Variants in DNAAF5 observed in about 807,000 individuals in gnomAD.
DNAAF5 encodes the protein dynein axonemal assembly factor 5, also known as HEAT repeat containing 2.
In DNAAF5, 64 loss-of-function variants were observed where a neutral mutation model predicts 75.8. That is an observed-to-expected ratio of 0.84 (90% CI 0.69 to 1.04). DNAAF5 has a LOEUF of 1.04. DNAAF5 is among the 50% of genes least tolerant of loss of function. The pLI is 0.00. For missense variants in DNAAF5, 1,269 were observed against 1,178.5 expected, an observed-to-expected ratio of 1.08 and a Z score of -1.12; for synonymous variants, 657 against 557.2, an observed-to-expected ratio of 1.18 and a Z score of -2.52.
rs188557714 is a variant in DNAAF5 at position 744,436 on chromosome 7, G to A, written c.1024+2971G>A. ...TGTCTTTATAGCAGCATGATTTATA[G>A]TCCTTTGGGTATATACCCAGTAATG... On this transcript the variant is annotated intron_variant, in intron 4 of 12. Coordinates refer to ENST00000297440, the MANE Select transcript of DNAAF5 (RefSeq NM_017802.4). Among the ~76,000 whole-genome samples, 114 of 152,304 alleles carry A rather than the reference G, an allele frequency of 7.5e-4. 2 individuals are homozygous for A. The highest frequency in any genetic ancestry group is 7.4e-5 in the Non-Finnish European group (5 of 68,020).
In DNAAF5 at chr7:732,804, T is replaced by A. The variant is rs191834930; in HGVS notation, c.780+2957T>A. Among the ~76,000 whole-genome samples, 9 of 152,310 alleles carry A rather than the reference T, an allele frequency of 5.9e-5. No homozygotes were observed. The East Asian group carries it at 1.7e-3, about 29-fold the overall frequency. ...TGTGGGTTGTCTCCTCACTATTGAT[T>A]GTTTTATTTGCTGTGCAGAAGCTTT... On this transcript the variant is annotated intron_variant, in intron 2 of 12. Transcript: ENST00000297440.
intron 8 of DNAAF5, among the ~76,000 whole-genome samples, chr7:766,780 A>G (rs1272204739): frequency 6.6e-6 from 1 of 152,242 alleles, no homozygotes; most frequent in Non-Finnish European, 1.5e-5. Flanking sequence ...ACTGCACTCC[A>G]GCCCGGACAA....
At chr7:760,176 C>T (rs80275360) in intron 6 of DNAAF5, among the ~76,000 whole-genome samples, 2,285 of 152,088 alleles carry the variant, frequency 0.015, 38 homozygotes, top group East Asian at 0.11. Context: ...AGGGCGGGGC[C>T]GGGGTGCAAG....
rs1274368246 is a variant in DNAAF5, at chr7:726,832, C to A, written c.112C>A (p.Leu38Met). 2.4e-5 allele frequency: 32 copies of A among 1,329,470 alleles called. No individual in the cohort carries two copies. The highest frequency in any genetic ancestry group is 2.8e-4 in the Middle Eastern group (1 of 3,564). 82.4% of individuals were successfully genotyped at this position (1,329,470 alleles called of 1,614,324 possible). ...CGCCCTGAGCCGCCTGCTGCCGGGGCTGGAGGCCGACAGCAAGCCGGGCCG... is the reference window on the plus strand; with the variant it reads ...CGCCCTGAGCCGCCTGCTGCCGGGGATGGAGGCCGACAGCAAGCCGGGCCG... ...SRALSRLLPGLEADSKPGRRR... is the reference protein window; with the variant it reads ...SRALSRLLPGMEADSKPGRRR... Residue 38 changes from leucine (L) to methionine (M), a missense_variant, in exon 1 of 13, where the codon CTG becomes ATG. Coordinates refer to ENST00000297440, the MANE Select transcript of DNAAF5 (RefSeq NM_017802.4).
At chr7:764,028 C>T in intron 8 of DNAAF5, 54 bp downstream of exon 8, 1 of 1,580,878 alleles carries the variant, frequency 6.3e-7, no homozygotes, top group Non-Finnish European at 8.6e-7. Context: ...AGGCTACACA[C>T]CTGCTCCCCC....
At chr7:770,657 G>A (rs566940860) in intron 9 of DNAAF5, 39 bp downstream of exon 9, 1 of 1,597,712 alleles carries the variant, frequency 6.3e-7, no homozygotes, top group South Asian at 1.1e-5. Flanking sequence ...CCCCAGCTGG[G>A]GCCTGGGCCA....
intron 2 of DNAAF5, among the ~76,000 whole-genome samples, chr7:732,234 G>A (rs1398683525): frequency 6.6e-6 from 1 of 152,232 alleles, no homozygotes; most frequent in Non-Finnish European, 1.5e-5. Context: ...AGTGCGGCAG[G>A]GGCTAATGCA....
At chr7:730,565 T>C (rs2128069394) in intron 2 of DNAAF5, among the ~76,000 whole-genome samples, 1 of 152,208 alleles carries the variant, frequency 6.6e-6, no homozygotes, top group East Asian at 1.9e-4. Context: ...AGGTGGTGAG[T>C]TGAAGAGTCA....
chr7:755,669 C>T (rs531476249), intron 5 of DNAAF5, among the ~76,000 whole-genome samples: 5 of 152,178 alleles, frequency 3.3e-5, no homozygotes, highest in African/African-American at 1.2e-4. Flanking sequence ...AGTTTGAGGC[C>T]TCAGTGAGCT....
intron 5 of DNAAF5, among the ~76,000 whole-genome samples, chr7:755,156 C>T (rs1782443604): frequency 1.3e-5 from 2 of 152,194 alleles, no homozygotes; most frequent in South Asian, 4.1e-4. Flanking sequence ...AGATGCCCAG[C>T]GTTCAGCATT....
At chr7:783,909 C>T (rs372639530) in intron 12 of DNAAF5, among the ~76,000 whole-genome samples, 6 of 152,192 alleles carry the variant, frequency 3.9e-5, no homozygotes, top group East Asian at 1.9e-4. Context: ...GCAGCCCCGG[C>T]CCTCTCGCCT....
intron 6 of DNAAF5, among the ~76,000 whole-genome samples, chr7:758,058 A>C (rs1006512202): frequency 2.6e-5 from 4 of 152,238 alleles, no homozygotes; most frequent in Admixed American, 6.5e-5. Context: ...GGGGTAAGGA[A>C]GGGAGCGGGG....
chr7:753,475 A>G (rs1782370156), intron 4 of DNAAF5, among the ~76,000 whole-genome samples: 1 of 152,234 alleles, frequency 6.6e-6, no homozygotes, highest in African/African-American at 2.4e-5. Context: ...AGAGGAGCAG[A>G]GGAAGCCGGG....
At chr7:728,027 C>T (rs1781420906) in intron 1 of DNAAF5, among the ~76,000 whole-genome samples, 1 of 152,190 alleles carries the variant, frequency 6.6e-6, no homozygotes, top group South Asian at 2.1e-4. Context: ...CTGTCCCATT[C>T]ATCCTACTCC....
chr7:780,667 ACTT>A (rs755090244), intron 12 of DNAAF5, among the ~76,000 whole-genome samples: 15 of 152,150 alleles, frequency 9.9e-5, no homozygotes, highest in Non-Finnish European at 1.9e-4. Flanking sequence ...TAGGCGTGGG[ACTT>A]CTTCAATACC....
In DNAAF5 at chr7:754,936, C is replaced by T; in HGVS notation, c.1257+115C>T. 2 of 796,044 alleles carry T rather than the reference C, an allele frequency of 2.5e-6. No individual in the cohort carries two copies. The highest frequency in any genetic ancestry group is 3.9e-6 in the Non-Finnish European group (2 of 510,970). The allele number at this position is 796,044 out of a possible 1,614,324, so 49.3% of individuals were successfully genotyped here. A position where few individuals can be genotyped will look rare whatever the true frequency, so the allele number is the denominator to read the frequency against. ...GTAGCCAAGACAGCGTTCCCCTCAC[C>T]CCCGGGCCGCAGGCCCTCCCCACAC... On this transcript the variant is annotated intron_variant, in intron 5 of 12. Coordinates refer to ENST00000297440, the MANE Select transcript of DNAAF5 (RefSeq NM_017802.4). The surrounding 1 kb of genome is among the most constrained non-coding windows in gnomAD (Gnocchi z 4.8).
At chr7:773,030 C>T (rs1583516088) in intron 9 of DNAAF5, 1 of 152,042 alleles carries the variant, frequency 6.6e-6, no homozygotes, top group Admixed American at 6.5e-5. Context: ...CACGCCTGGC[C>T]CACACTTGGA....
rs964928818 is a variant in DNAAF5, at chr7:726,887, C to A, written c.167C>A (p.Ala56Glu). 1.1e-5 allele frequency: 14 copies of A among 1,332,634 alleles called. No homozygotes were observed. Among genetic ancestry groups the A allele is most frequent in the South Asian group, 1.8e-5 (1 of 54,758 alleles). 82.6% of individuals were successfully genotyped at this position (1,332,634 alleles called of 1,614,324 possible). ...CGCGCCTTGGAGGCCCTGCGGCGCG[C>A]GCTGGAGGAGCCAGGCCCTGCCGCC... is the stretch of plus-strand genomic sequence containing the variant. ...RRRALEALRRALEEPGPAADP... is the reference protein window; with the variant it reads ...RRRALEALRRELEEPGPAADP... The change falls in exon 1 of 13, where the codon GCG becomes GAG. Residue 56 changes from alanine (A) to glutamate (E), a missense_variant. Physicochemically the swap from Ala to Glu is moderately radical, Grantham distance 107 (BLOSUM62 -1). Coordinates refer to ENST00000297440, the MANE Select transcript of DNAAF5 (RefSeq NM_017802.4).
chr7:733,246 G>C (rs1375385744), intron 2 of DNAAF5, among the ~76,000 whole-genome samples: 19 of 152,096 alleles, frequency 1.2e-4, no homozygotes. Context: ...TTTTTGTCTT[G>C]TTTTGTTTTT....
Sources: gnomAD v4.1 joint callset for allele counts (sites outside exome capture counted in the v4.1 genomes callset) on GRCh38, gnomAD v4.1.1 for gene constraint, Gnocchi (gnomAD v3.1) non-coding constraint, MANE v1.5 for transcripts, NCBI Gene and HGNC (gene_info 2026-07-23, HGNC 2026-07-21) for gene names.